The following KAT6B variants were observed in gnomAD, a reference collection of about 807,000 sequenced individuals.
KAT6B encodes the protein lysine acetyltransferase 6B, also known as histone acetyltransferase KAT6B.
In KAT6B, 10 loss-of-function variants were observed where a neutral mutation model predicts 187.5. The ratio of observed to expected loss-of-function variants is 0.05; its 90% CI spans 0.03 to 0.09. The LOEUF (loss-of-function observed/expected upper bound fraction) is 0.09. KAT6B is among the 10% of genes least tolerant of loss of function. The pLI, the probability that KAT6B is intolerant of heterozygous loss-of-function variation, is 1.00. For synonymous variants in KAT6B, 861 were observed against 926.8 expected (o/e 0.93, Z 1.29); for missense variants, 1,952 against 2,558.9 (o/e 0.76, Z 5.12).
chr10:74,915,114 T>A (rs1012765146), intron 3 of KAT6B, among the ~76,000 whole-genome samples: 3 of 151,954 alleles, frequency 2.0e-5, no homozygotes, highest in East Asian at 1.9e-4. Context: ...AAAAAAAAAA[T>A]TTATTAAAAC....
chr10:75,018,478 C>T (rs944057143), intron 13 of KAT6B, among the ~76,000 whole-genome samples: 3 of 152,232 alleles, frequency 2.0e-5, no homozygotes, highest in East Asian at 1.9e-4. Flanking sequence ...CATTTAGGCT[C>T]AGGCCCTGAC....
intron 3 of KAT6B, among the ~76,000 whole-genome samples, chr10:74,953,819 T>C (rs751784646): frequency 6.6e-6 from 1 of 152,226 alleles, no homozygotes; most frequent in Non-Finnish European, 1.5e-5. Flanking sequence ...TTTATTTTTG[T>C]CCAGTTACTT....
chr10:74,959,926 G>A (rs1188940425), intron 3 of KAT6B, 44 bp from the exon 4 acceptor site: 3 of 1,288,966 alleles, frequency 2.3e-6, no homozygotes, highest in Admixed American at 1.7e-5. Context: ...TTTTACTTTT[G>A]AAATGGAAAA....
At chr10:74,906,229 G>A (rs571487470) in intron 3 of KAT6B, among the ~76,000 whole-genome samples, 102 of 152,036 alleles carry the variant, frequency 6.7e-4, no homozygotes, top group Non-Finnish European at 1.2e-3. Flanking sequence ...GTAAAACCCC[G>A]TCTCCACTAA....
chr10:74,845,622 A>G (rs1216003888), intron 3 of KAT6B, among the ~76,000 whole-genome samples: 1 of 151,340 alleles, frequency 6.6e-6, no homozygotes, highest in African/African-American at 2.4e-5. Context: ...TGTTCCTCCC[A>G]AGTAACTGGG....
At chr10:74,978,295 A>G (rs1175197457) in intron 9 of KAT6B, among the ~76,000 whole-genome samples, 1 of 152,200 alleles carries the variant, frequency 6.6e-6, no homozygotes, top group Non-Finnish European at 1.5e-5. Context: ...GATAAATGTC[A>G]GATTTCCCCC....
chr10:74,912,377 A>ATAGATAGAT (rs1554825637), intron 3 of KAT6B, among the ~76,000 whole-genome samples: 1 of 145,810 alleles, frequency 6.9e-6, no homozygotes, highest in African/African-American at 2.6e-5. Flanking sequence ...GGATGGATGG[A>ATAGATAGAT]TAGATAGATA....
chr10:74,950,255 AGG>A (rs2133388482), intron 3 of KAT6B, among the ~76,000 whole-genome samples: 1 of 152,322 alleles, frequency 6.6e-6, no homozygotes, highest in African/African-American at 2.4e-5. Flanking sequence ...ATAAAACAAA[AGG>A]GTACAGGAGT....
intron 1 of KAT6B, among the ~76,000 whole-genome samples, chr10:74,833,726 A>C (rs1424506945): frequency 6.6e-6 from 1 of 152,226 alleles, no homozygotes; most frequent in Non-Finnish European, 1.5e-5. Context: ...TTAAACTTGC[A>C]ATTAATATAA....
chr10:74,844,687 G>A (rs974787241), intron 3 of KAT6B, among the ~76,000 whole-genome samples: 1 of 152,064 alleles, frequency 6.6e-6, no homozygotes, highest in African/African-American at 2.4e-5. Flanking sequence ...TAAATATATG[G>A]CAGAATTCTC....
chr10:74,914,463 T>C (rs1183075185), intron 3 of KAT6B, among the ~76,000 whole-genome samples: 1 of 152,204 alleles, frequency 6.6e-6, no homozygotes, highest in African/African-American at 2.4e-5. Flanking sequence ...CTAATGTGGA[T>C]TTAGTTAATT....
intron 3 of KAT6B, among the ~76,000 whole-genome samples, chr10:74,934,941 C>T (rs1168108308): frequency 6.6e-6 from 1 of 152,198 alleles, no homozygotes; most frequent in Non-Finnish European, 1.5e-5. Flanking sequence ...GACAGAATCC[C>T]TTCCCTGTCC....
intron 6 of KAT6B, among the ~76,000 whole-genome samples, 188 bp from the exon 7 acceptor site, chr10:74,972,319 T>C (rs541137174): frequency 2.6e-4 from 40 of 152,240 alleles, no homozygotes; most frequent in African/African-American, 9.6e-4. Context: ...CCTCACCACC[T>C]TCACTCCAGG....
At chr10:74,955,538 C>T (rs947533423) in intron 3 of KAT6B, among the ~76,000 whole-genome samples, 3 of 151,132 alleles carry the variant, frequency 2.0e-5, no homozygotes, top group African/African-American at 7.3e-5. Flanking sequence ...CATGTTTACT[C>T]TCTCTCTCTG....
intron 3 of KAT6B, among the ~76,000 whole-genome samples, chr10:74,871,030 A>G: frequency 6.7e-6 from 1 of 149,926 alleles, no homozygotes; most frequent in South Asian, 2.1e-4. Context: ...GGTGCCCAGC[A>G]CCACGCCCAA....
At chr10:75,020,551 G>A in intron 13 of KAT6B, 31 bp from the exon 14 acceptor site, 1 of 1,484,020 alleles carries the variant, frequency 6.7e-7, no homozygotes, top group African/African-American at 1.4e-5. Context: ...ATGCCACAGT[G>A]AGGAATGCCC....
At chr10:74,928,648 T>A (rs1848657014) in intron 3 of KAT6B, among the ~76,000 whole-genome samples, 1 of 152,218 alleles carries the variant, frequency 6.6e-6, no homozygotes, top group African/African-American at 2.4e-5. Context: ...CTTATGTCAT[T>A]TGTCATATGA....
intron 4 of KAT6B, among the ~76,000 whole-genome samples, chr10:74,966,475 C>T (rs1460948829): frequency 6.6e-6 from 1 of 152,196 alleles, no homozygotes; most frequent in East Asian, 1.9e-4. Flanking sequence ...TTTTCTTCCT[C>T]AGTACTTTCT....
intron 4 of KAT6B, 39 bp downstream of exon 4, chr10:74,960,117 C>T: frequency 8.3e-7 from 1 of 1,204,192 alleles, no homozygotes; most frequent in Non-Finnish European, 1.2e-6. Context: ...CAATGACTTC[C>T]CATTATCATA....
Sources: allele counts gnomAD v4.1 joint callset (sites outside exome capture counted in the v4.1 genomes callset), GRCh38; gene constraint gnomAD v4.1.1; transcripts MANE v1.5; gene names NCBI Gene and HGNC (gene_info 2026-07-23, HGNC 2026-07-21).